The following APBA2 variants were observed in gnomAD, a reference collection of about 807,000 sequenced individuals.
APBA2 encodes amyloid beta precursor protein binding family A member 2.
APBA2 carries 30 observed loss-of-function variants against 75.0 expected under a neutral mutation model. That is an observed-to-expected ratio of 0.40 (90% confidence interval 0.30 to 0.54). The LOEUF is 0.54. Among genes scored for constraint, APBA2 ranks in the 20% least tolerant of loss-of-function variants. The pLI is 0.49. For synonymous variants in APBA2, 444 were observed against 409.6 expected, an observed-to-expected ratio of 1.08 and a Z score of -1.01; for missense variants, 801 against 1,016.1, an observed-to-expected ratio of 0.79 and a Z score of 2.88.
At chr15:29,023,560 A>G (rs1300452870) in intron 3 of APBA2, among the ~76,000 whole-genome samples, 3 of 139,448 alleles carry the variant, frequency 2.2e-5, no homozygotes, top group Admixed American at 8.0e-5. Context: ...GGTTCAAGCG[A>G]TTCTCCTGCC....
intron 10 of APBA2, chr15:29,102,106 T>A: frequency 2.1e-6 from 1 of 482,984 alleles, no homozygotes; most frequent in South Asian, 2.2e-5. Flanking sequence ...ATAACTTTTG[T>A]TATTAAAATG....
chr15:29,032,448 C>G (rs758873431), intron 3 of APBA2, among the ~76,000 whole-genome samples: 23 of 152,244 alleles, frequency 1.5e-4, no homozygotes, highest in Non-Finnish European at 2.6e-4. Context: ...CCTGGAGTTC[C>G]CAGCCTGCCG....
chr15:29,057,579 C>T (rs533594304), intron 4 of APBA2, among the ~76,000 whole-genome samples: 276 of 152,320 alleles, frequency 1.8e-3, no homozygotes, highest in African/African-American at 6.4e-3. Context: ...TAGCTGTCAT[C>T]ATAACCCAGA....
Position 28,918,225 on chromosome 15 carries a change from C to T in APBA2, c.-204-3415C>T, listed in dbSNP as rs1026645167. 3.3e-5 allele frequency among the ~76,000 whole-genome samples: 5 copies of T among 152,208 alleles called. No individual in the cohort carries two copies. The highest frequency in any genetic ancestry group is 1.2e-4 in the African/African-American group (5 of 41,456). On this transcript the variant is annotated intron_variant, in intron 1 of 14. Coordinates refer to ENST00000683413, the MANE Select transcript of APBA2 (RefSeq NM_001353788.2). The surrounding 1 kb of genome is among the most constrained non-coding windows in gnomAD (Gnocchi z 4.2). Reference sequence around the variant, plus strand: ...AGGCACAGGGAGGTGCAGAAGCGTTCCTGGCGCCACGGAGCCGGTCAGTGA... The same window carrying T: ...AGGCACAGGGAGGTGCAGAAGCGTTTCTGGCGCCACGGAGCCGGTCAGTGA...
intron 2 of APBA2, 61 bp from the exon 3 acceptor site, chr15:28,995,692 C>T (rs536905911): frequency 3.9e-5 from 6 of 152,230 alleles, no homozygotes; most frequent in South Asian, 2.1e-4. Flanking sequence ...GCTCTATGTG[C>T]GCACCTGTAT....
intron 4 of APBA2, among the ~76,000 whole-genome samples, chr15:29,073,359 C>CT (rs898052740): frequency 2.6e-5 from 4 of 151,714 alleles, no homozygotes; most frequent in African/African-American, 4.8e-5. Context: ...GTAAATGTAA[C>CT]TTTTTTTTTG....
At chr15:29,113,172 C>T (rs937052) in intron 13 of APBA2, among the ~76,000 whole-genome samples, 100,498 of 151,948 alleles carry the variant, frequency 0.66, 39,698 homozygotes, top group Non-Finnish European at 0.88. Context: ...GTTTTCCATT[C>T]TGTCCAGTCT....
Position 28,969,126 on chromosome 15 carries a change from CTTTTTCTTTCTTTCTT to C in APBA2, c.-94-26625_-94-26610del, listed in dbSNP as rs1193286498. ...TCTACAAAAACCTTACCTTTCATTT[CTTTTTCTTTCTTTCTT>C]TCTTTCTTTCTTTCTTTCTTTCTTT... On this transcript the variant is annotated intron_variant, in intron 2 of 14. Coordinates refer to ENST00000683413, the MANE Select transcript of APBA2 (RefSeq NM_001353788.2). Among the ~76,000 whole-genome samples the C allele has an allele frequency of 1.5e-4, 16 of 106,316 alleles. No homozygotes were observed. The East Asian group carries it at 2.0e-3, about 14-fold the overall frequency. 69.7% of individuals were successfully genotyped at this position (106,316 alleles called of 152,430 possible). A position where few individuals can be genotyped will look rare whatever the true frequency, so the allele number is the denominator to read the frequency against.
At chr15:29,016,685 C>G (rs991517762) in intron 3 of APBA2, among the ~76,000 whole-genome samples, 1 of 152,138 alleles carries the variant, frequency 6.6e-6, no homozygotes, top group African/African-American at 2.4e-5. Flanking sequence ...GTGAGCCTGG[C>G]GGGGAAAGAG....
At chr15:28,946,036 G>A (rs1264507842) in intron 2 of APBA2, among the ~76,000 whole-genome samples, 2 of 152,316 alleles carry the variant, frequency 1.3e-5, no homozygotes, top group South Asian at 2.1e-4. Context: ...AAATGTGGGC[G>A]GCCCAGTTGC....
At chr15:28,928,622 A>C (rs2034403923) in intron 2 of APBA2, among the ~76,000 whole-genome samples, 1 of 152,200 alleles carries the variant, frequency 6.6e-6, no homozygotes, top group Admixed American at 6.5e-5. Context: ...GGACTCAGGA[A>C]TGCCCTTCCT....
intron 1 of APBA2, among the ~76,000 whole-genome samples, chr15:28,892,879 C>T (rs2032229192): frequency 6.6e-6 from 1 of 152,168 alleles, no homozygotes; most frequent in South Asian, 2.1e-4. Flanking sequence ...GTTGCAAAAA[C>T]AGGAAAACCA....
intron 14 of APBA2, among the ~76,000 whole-genome samples, chr15:29,114,964 GGT>G (rs764825909): frequency 6.6e-6 from 1 of 151,576 alleles, no homozygotes; most frequent in East Asian, 2.0e-4. Flanking sequence ...TCTGTGAGTG[GGT>G]GTGAGGCATG....
chr15:28,987,101 AAC>A lies in APBA2; in HGVS notation c.-94-8650_-94-8649del, dbSNP rs532286629. ...AGCATCACTTTGGGCATTAGGTTTTAACATGTGAATTTGGAGAAGGGCAGGCA... is the reference window on the plus strand; with the variant it reads ...AGCATCACTTTGGGCATTAGGTTTTAATGTGAATTTGGAGAAGGGCAGGCA... On this transcript the variant is annotated intron_variant, in intron 2 of 14. Transcript: ENST00000683413. Among the ~76,000 whole-genome samples, 6 of 124,108 alleles carry A rather than the reference AAC, an allele frequency of 4.8e-5. No individual in the cohort carries two copies. In the East Asian group the frequency reaches 1.8e-3, roughly 37 times the overall value. The allele number at this position is 124,108 out of a possible 152,430, so 81.4% of individuals were successfully genotyped here. A position where few individuals can be genotyped will look rare whatever the true frequency, so the allele number is the denominator to read the frequency against.
intron 3 of APBA2, among the ~76,000 whole-genome samples, chr15:29,002,569 C>T (rs947910011): frequency 3.3e-5 from 5 of 151,336 alleles, no homozygotes; most frequent in African/African-American, 7.3e-5. Flanking sequence ...GGGGGGTCAG[C>T]GAGTGGGGGG....
intron 6 of APBA2, among the ~76,000 whole-genome samples, chr15:29,087,380 C>T (rs1323235724): frequency 6.6e-6 from 1 of 152,200 alleles, no homozygotes; most frequent in Non-Finnish European, 1.5e-5. Context: ...CCTTCCTTCC[C>T]TGACTCTCTG....
intron 9 of APBA2, among the ~76,000 whole-genome samples, chr15:29,100,591 G>T (rs555178256): frequency 1.3e-5 from 2 of 152,240 alleles, no homozygotes; most frequent in Non-Finnish European, 2.9e-5. Flanking sequence ...GCCAGAGGCC[G>T]AGGGAATTGA....
At chr15:29,007,648 G>C (rs1054169606) in intron 3 of APBA2, among the ~76,000 whole-genome samples, 3 of 152,068 alleles carry the variant, frequency 2.0e-5, no homozygotes, top group Admixed American at 6.6e-5. Context: ...CAAATCGTTA[G>C]AGAATTGCAA....
rs2031682437 is a variant in APBA2, at chr15:28,885,998, G to C, written c.-485G>C. On this transcript the variant is annotated 5_prime_UTR_variant, in exon 1 of 15. Coordinates refer to ENST00000683413, the MANE Select transcript of APBA2 (RefSeq NM_001353788.2). The stretch of plus-strand genomic sequence containing the variant: ...CAGTGTGCCCGGCGCGGGTGAGGCG[G>C]AAGCGGCCGGGGCGGGGGCGCAGGC... 3.3e-5 allele frequency: 5 copies of C among 150,418 alleles called. No individual in the cohort carries two copies. The South Asian group carries it at 1.0e-3, about 31-fold the overall frequency. The allele number at this position is 150,418 out of a possible 1,614,324, so 9.3% of individuals were successfully genotyped here. A position where few individuals can be genotyped will look rare whatever the true frequency, so the allele number is the denominator to read the frequency against.
Sources: allele counts gnomAD v4.1 joint callset (sites outside exome capture counted in the v4.1 genomes callset), GRCh38; gene constraint gnomAD v4.1.1; non-coding constraint Gnocchi (gnomAD v3.1); transcripts MANE v1.5; gene names NCBI Gene and HGNC (gene_info 2026-07-23, HGNC 2026-07-21).